The following IGFL4 variants were observed in gnomAD, a reference collection of about 807,000 sequenced individuals.
IGFL4 encodes insulin growth factor-like family member 4.
IGFL4 carries 12 observed loss-of-function variants against 15.4 expected under a neutral mutation model. The ratio of observed to expected loss-of-function variants is 0.78; its 90% confidence interval spans 0.50 to 1.26. The LOEUF (loss-of-function observed/expected upper bound fraction) is 1.26, where lower values mean the gene tolerates loss of function less well. IGFL4 is among the 50% of genes most tolerant of loss of function. The pLI is 0.00. For synonymous variants in IGFL4, 54 were observed against 55.9 expected, an observed-to-expected ratio of 0.97 and a Z score of 0.16; for missense variants, 126 against 147.8, an observed-to-expected ratio of 0.85 and a Z score of 0.76.
At chr19:46,072,264 G>C (rs1197900959) in intron 1 of IGFL4, among the ~76,000 whole-genome samples, 1 of 152,172 alleles carries the variant, frequency 6.6e-6, no homozygotes, top group African/African-American at 2.4e-5. Context: ...AGTGCAAGTA[G>C]CAAGGATCTG....
At chr19:46,072,581 G>A (rs962392885) in intron 1 of IGFL4, among the ~76,000 whole-genome samples, 1 of 152,224 alleles carries the variant, frequency 6.6e-6, no homozygotes, top group African/African-American at 2.4e-5. Context: ...GTAGAAATTA[G>A]AGGCACAGAA....
intron 1 of IGFL4, among the ~76,000 whole-genome samples, chr19:46,072,769 G>A (rs1969558706): frequency 6.6e-6 from 1 of 152,134 alleles, no homozygotes. Context: ...AAATATAGTG[G>A]CAGCCTCTAG....
At chr19:46,042,197 A>G (rs1201450206), upstream of IGFL4, among the ~76,000 whole-genome samples, 1 of 151,992 alleles carries the variant, frequency 6.6e-6, no homozygotes, top group Non-Finnish European at 1.5e-5. Context: ...CATGCAATAA[A>G]CTAGCTCTCC....
At chr19:46,057,859 G>A (rs1449146454) in intron 2 of IGFL4, 1 of 152,094 alleles carries the variant, frequency 6.6e-6, no homozygotes, top group East Asian at 1.9e-4. Flanking sequence ...TCACTACCAT[G>A]AGAACAGCAT....
chr19:46,051,973 C>A (rs138225669), intron 2 of IGFL4, among the ~76,000 whole-genome samples: 4,993 of 152,090 alleles, frequency 0.033, 124 homozygotes, highest in East Asian at 0.073. Context: ...CTGGAGCTCC[C>A]AAATTTATAA....
intron 2 of IGFL4, among the ~76,000 whole-genome samples, chr19:46,049,265 C>A (rs1342021802): frequency 6.6e-6 from 1 of 152,190 alleles, no homozygotes; most frequent in East Asian, 1.9e-4. Context: ...CTGAGAGAAT[C>A]CAGAGACCCT....
At chr19:46,070,563 G>T (rs923112171) in intron 1 of IGFL4, among the ~76,000 whole-genome samples, 2 of 152,028 alleles carry the variant, frequency 1.3e-5, no homozygotes, top group Non-Finnish European at 2.9e-5. Context: ...AGTCCAGAAA[G>T]CTGCTGACTT....
At chr19:46,049,810 C>G (rs144224186) in intron 2 of IGFL4, among the ~76,000 whole-genome samples, 70 of 152,336 alleles carry the variant, frequency 4.6e-4, no homozygotes, top group African/African-American at 1.6e-3. Context: ...CACACAACCA[C>G]AGCTGACGCG....
At chr19:46,066,257 A>T (rs777625359) in intron 1 of IGFL4, among the ~76,000 whole-genome samples, 14 of 152,222 alleles carry the variant, frequency 9.2e-5, no homozygotes, top group Admixed American at 8.5e-4. Context: ...CAACAAAGAA[A>T]TATTTAGTGT....
At chr19:46,049,086 A>G (rs571844509) in intron 2 of IGFL4, among the ~76,000 whole-genome samples, 3 of 152,334 alleles carry the variant, frequency 2.0e-5, no homozygotes, top group South Asian at 4.1e-4. Context: ...AGGTTGATCA[A>G]TGCCTCCTGG....
intron 2 of IGFL4, among the ~76,000 whole-genome samples, chr19:46,047,991 T>C (rs906838372): frequency 6.6e-6 from 1 of 152,198 alleles, no homozygotes; most frequent in Non-Finnish European, 1.5e-5. Flanking sequence ...GCCAATATCC[T>C]TGATGAACAT....
At chr19:46,066,446 T>A (rs1426897393) in intron 1 of IGFL4, among the ~76,000 whole-genome samples, 8 of 152,162 alleles carry the variant, frequency 5.3e-5, no homozygotes, top group Non-Finnish European at 1.0e-4. Context: ...GCCAAAGAAG[T>A]ACCAATACTT....
At chr19:46,039,990 G>T in intron 3 of IGFL4, 54 bp from the exon 4 acceptor site, 1 of 1,550,542 alleles carries the variant, frequency 6.4e-7, no homozygotes, top group Non-Finnish European at 8.9e-7. Flanking sequence ...GGTAGCAGCA[G>T]TGGCGGGGAA....
rs1185647665 is a variant in IGFL4 at position 46,039,316 on chromosome 19, C to T, written c.*576G>A. ...GTAGCCTTATAGTATAGTTTGAAGT[C>T]AGGTAGTGTGATGCCTCCAGCTTTG... On this transcript the variant is annotated 3_prime_UTR_variant, in exon 4 of 4. Coordinates refer to ENST00000377697, the MANE Select transcript of IGFL4 (RefSeq NM_001002923.3). Among the ~76,000 whole-genome samples, 86 of 145,716 alleles carry T rather than the reference C, an allele frequency of 5.9e-4. No homozygotes were observed. Among genetic ancestry groups the T allele is most frequent in the Non-Finnish European group, 1.1e-3 (76 of 66,170 alleles).
At chr19:46,050,084 C>T (rs962416245) in intron 2 of IGFL4, among the ~76,000 whole-genome samples, 42 of 152,184 alleles carry the variant, frequency 2.8e-4, no homozygotes, top group African/African-American at 9.9e-4. Flanking sequence ...TGCAGTTCAG[C>T]TCTCAGGAAG....
At chr19:46,056,778 G>T (rs1969397059) in intron 2 of IGFL4, among the ~76,000 whole-genome samples, 1 of 152,210 alleles carries the variant, frequency 6.6e-6, no homozygotes, top group African/African-American at 2.4e-5. Context: ...AGCCACAGAA[G>T]ACAGAAATGG....
intron 2 of IGFL4, among the ~76,000 whole-genome samples, chr19:46,050,560 A>G (rs1172615080): frequency 6.6e-6 from 1 of 152,220 alleles, no homozygotes; most frequent in East Asian, 1.9e-4. Flanking sequence ...AACAAGTAGA[A>G]GAAAGAACCT....
chr19:46,052,851 T>C (rs930525895), intron 2 of IGFL4, among the ~76,000 whole-genome samples: 1 of 150,390 alleles, frequency 6.6e-6, no homozygotes, highest in Non-Finnish European at 1.5e-5. Flanking sequence ...TCTACAGGTA[T>C]TTATATGTTA....
intron 2 of IGFL4, among the ~76,000 whole-genome samples, chr19:46,048,659 C>T (rs1176833678): frequency 1.3e-5 from 2 of 152,178 alleles, no homozygotes; most frequent in African/African-American, 4.8e-5. Context: ...AATGAACTCT[C>T]ATTCACAATT....
Sources: gnomAD v4.1 joint callset for allele counts (sites outside exome capture counted in the v4.1 genomes callset) on GRCh38, gnomAD v4.1.1 for gene constraint, MANE v1.5 for transcripts, NCBI Gene and HGNC (gene_info 2026-07-23, HGNC 2026-07-21) for gene names.